TAB2: variants seen among roughly 807,000 people sequenced by gnomAD.
TAB2 encodes the protein TGF-beta activated kinase 1 (MAP3K7) binding protein 2.
TAB2 carries 3 observed loss-of-function variants against 65.0 expected under a neutral mutation model. The observed-to-expected ratio is 0.05, with a 90% CI of 0.02 to 0.12. TAB2 has a LOEUF of 0.12. Ranked by LOEUF, TAB2 falls within the 10% of genes least tolerant of loss-of-function variation. The probability of loss-of-function intolerance (pLI) is 1.00; values close to 1 mark genes in which losing one functional copy is unlikely to be tolerated. For missense variants in TAB2, 623 were observed against 840.3 expected (o/e 0.74, Z 3.20); for synonymous variants, 298 against 285.1 (o/e 1.05, Z -0.46).
chr6:149,296,876 G>A (rs892677897), intron 1 of TAB2, among the ~76,000 whole-genome samples: 3 of 152,068 alleles, frequency 2.0e-5, no homozygotes, highest in African/African-American at 7.2e-5. Context: ...GCACCAAATA[G>A]CTATTTTCAT....
At chr6:149,376,594 A>G (rs191491027) in intron 2 of TAB2, among the ~76,000 whole-genome samples, 24 of 152,340 alleles carry the variant, frequency 1.6e-4, no homozygotes, top group Non-Finnish European at 3.1e-4. Context: ...TATGAAAACC[A>G]TCAGGCCATA....
At chr6:149,405,869 A>AT (rs1216986547) in intron 6 of TAB2, among the ~76,000 whole-genome samples, 1 of 152,072 alleles carries the variant, frequency 6.6e-6, no homozygotes, top group Non-Finnish European at 1.5e-5. Flanking sequence ...TATAACTGAA[A>AT]TTTGCTAAAG....
At chr6:149,288,281 G>T (rs9485373) in intron 1 of TAB2, among the ~76,000 whole-genome samples, 29,112 of 151,968 alleles carry the variant, frequency 0.19, 2,980 homozygotes, top group East Asian at 0.43. Context: ...CCCTCTGCCT[G>T]TCCATTCATC....
intron 6 of TAB2, among the ~76,000 whole-genome samples, chr6:149,403,667 C>T (rs1042401053): frequency 2.0e-5 from 3 of 151,850 alleles, no homozygotes; most frequent in Non-Finnish European, 4.4e-5. Context: ...GTATAGGAAG[C>T]GTGTCACTGA....
At chr6:149,368,645 T>TTGTGTGTG (rs3056968) in intron 1 of TAB2, among the ~76,000 whole-genome samples, 12,777 of 147,498 alleles carry the variant, frequency 0.087, 618 homozygotes, top group Non-Finnish European at 0.11. Context: ...ATGCGAAAAT[T>TTGTGTGTG]TGTGTGTGTG....
At chr6:149,340,102 A>G (rs12204793) in intron 1 of TAB2, among the ~76,000 whole-genome samples, 35,894 of 152,084 alleles carry the variant, frequency 0.24, 4,423 homozygotes, top group Non-Finnish European at 0.26. Context: ...TTCAACATCA[A>G]ATCTATGATT....
At chr6:149,231,126 C>T (rs1454274801) in intron 1 of TAB2, among the ~76,000 whole-genome samples, 1 of 152,240 alleles carries the variant, frequency 6.6e-6, no homozygotes, top group Admixed American at 6.5e-5. Flanking sequence ...ACTAAACTTG[C>T]AGCCTCACCT....
intron 1 of TAB2, among the ~76,000 whole-genome samples, chr6:149,304,891 C>T (rs1181893695): frequency 6.6e-6 from 1 of 152,062 alleles, no homozygotes. Flanking sequence ...ATCTTCATAT[C>T]ACACACATCT....
chr6:149,327,743 C>G (rs944088211), intron 1 of TAB2, among the ~76,000 whole-genome samples: 5 of 152,134 alleles, frequency 3.3e-5, no homozygotes, highest in African/African-American at 1.2e-4. Context: ...TACTGCTTGC[C>G]AACTCTTAGG....
chr6:149,341,338 G>A (rs1780119648), intron 1 of TAB2, among the ~76,000 whole-genome samples: 1 of 152,230 alleles, frequency 6.6e-6, no homozygotes, highest in African/African-American at 2.4e-5. Flanking sequence ...TGTGATTATA[G>A]TTGAATTATT....
intron 1 of TAB2, among the ~76,000 whole-genome samples, chr6:149,336,505 C>T (rs868188637): frequency 6.6e-6 from 1 of 151,886 alleles, no homozygotes; most frequent in South Asian, 2.1e-4. Flanking sequence ...CACATGTCTC[C>T]GGGGATCTTA....
chr6:149,388,561 CTCA>C (rs1289759252), intron 3 of TAB2, among the ~76,000 whole-genome samples: 1 of 152,136 alleles, frequency 6.6e-6, no homozygotes, highest in Non-Finnish European at 1.5e-5. Flanking sequence ...CCTTTCCCCA[CTCA>C]TCATATTTTG....
chr6:149,409,532 CTT>C lies in TAB2; in HGVS notation c.1940-43_1940-42del, dbSNP rs375061056. 1.3e-3 allele frequency: 2,041 copies of C among 1,577,508 alleles called. 18 individuals carry two copies. In the African/African-American group the frequency reaches 0.025, roughly 19 times the overall value. ...TTAAAGTTGCCTGTAATTTTTTAGA[CTT>C]TGTGATTTTTTACTTATAAAATAAT... On this transcript the variant is annotated intron_variant, in intron 6 of 6. Transcript: ENST00000637181.
At chr6:149,326,233 A>C (rs554591991) in intron 1 of TAB2, among the ~76,000 whole-genome samples, 1 of 151,712 alleles carries the variant, frequency 6.6e-6, no homozygotes, top group South Asian at 2.1e-4. Flanking sequence ...GATTAAGACA[A>C]AAATTTTTAG....
chr6:149,277,216 G>A (rs1048940916), intron 1 of TAB2, among the ~76,000 whole-genome samples: 3 of 152,136 alleles, frequency 2.0e-5, no homozygotes, highest in Non-Finnish European at 4.4e-5. Flanking sequence ...TAATACACAT[G>A]CAAATAACAT....
intron 2 of TAB2, among the ~76,000 whole-genome samples, chr6:149,373,268 T>C (rs946402761): frequency 5.3e-5 from 8 of 152,116 alleles, no homozygotes; most frequent in African/African-American, 1.7e-4. Context: ...TTTTTTACCG[T>C]TTTTAAATTC....
chr6:149,267,965 A>C (rs1778294449), intron 1 of TAB2, among the ~76,000 whole-genome samples: 1 of 152,244 alleles, frequency 6.6e-6, no homozygotes, highest in South Asian at 2.1e-4. Flanking sequence ...GGTAAATGTC[A>C]AATTAATGAA....
At chr6:149,372,199 C>T (rs1781251909) in intron 2 of TAB2, among the ~76,000 whole-genome samples, 1 of 151,862 alleles carries the variant, frequency 6.6e-6, no homozygotes, top group African/African-American at 2.4e-5. Flanking sequence ...AAAAATAGAG[C>T]ACTCTAATGT....
chr6:149,257,802 T>TC (rs1778070466), intron 1 of TAB2, among the ~76,000 whole-genome samples: 2 of 151,742 alleles, frequency 1.3e-5, no homozygotes, highest in African/African-American at 4.9e-5. Flanking sequence ...ATCTCATAGC[T>TC]CCTGGGGGAG....
Sources: allele counts gnomAD v4.1 joint callset (sites outside exome capture counted in the v4.1 genomes callset), GRCh38; gene constraint gnomAD v4.1.1; transcripts MANE v1.5; gene names NCBI Gene and HGNC (gene_info 2026-07-23, HGNC 2026-07-21).